Variants in CTNNA3 observed in about 807,000 individuals in gnomAD.
CTNNA3 encodes the protein catenin alpha 3.
In CTNNA3, 76 loss-of-function variants were observed where a neutral mutation model predicts 95.7. That is an observed-to-expected ratio of 0.79 (90% CI 0.66 to 0.96). CTNNA3 has a LOEUF of 0.96. CTNNA3 is among the 40% of genes least tolerant of loss of function. The probability of loss-of-function intolerance (pLI) is 0.00; values close to 1 mark genes in which losing one functional copy is unlikely to be tolerated. For missense variants in CTNNA3, 1,191 were observed against 1,089.8 expected, an observed-to-expected ratio of 1.09 and a Z score of -1.31; for synonymous variants, 431 against 374.4, an observed-to-expected ratio of 1.15 and a Z score of -1.74.
intron 5 of CTNNA3, among the ~76,000 whole-genome samples, chr10:67,508,406 TG>T (rs1839497261): frequency 6.6e-6 from 1 of 152,152 alleles, no homozygotes; most frequent in Non-Finnish European, 1.5e-5. Context: ...ATACACAATG[TG>T]GAAAAAATAG....
At chr10:67,213,263 A>G (rs755209173) in intron 6 of CTNNA3, among the ~76,000 whole-genome samples, 1 of 151,662 alleles carries the variant, frequency 6.6e-6, no homozygotes, top group Non-Finnish European at 1.5e-5. Flanking sequence ...TATAATATTT[A>G]GTATTTAGTC....
chr10:66,986,876 CTG>C (rs1850756687), intron 7 of CTNNA3, among the ~76,000 whole-genome samples: 1 of 152,118 alleles, frequency 6.6e-6, no homozygotes, highest in South Asian at 2.1e-4. Flanking sequence ...ACACTAGACA[CTG>C]TGAATACAGA....
chr10:67,456,931 A>C (rs1482462641), intron 5 of CTNNA3, among the ~76,000 whole-genome samples: 1 of 152,104 alleles, frequency 6.6e-6, no homozygotes, highest in Middle Eastern at 3.2e-3. Context: ...CCAAACAAAC[A>C]AACAAACAAA....
At chr10:67,216,043 G>T (rs116606229) in intron 6 of CTNNA3, among the ~76,000 whole-genome samples, 1 of 152,044 alleles carries the variant, frequency 6.6e-6, no homozygotes, top group Non-Finnish European at 1.5e-5. Flanking sequence ...TATATATCTA[G>T]AAACCAAACC....
chr10:66,046,100 T>C (rs72793404), intron 15 of CTNNA3, among the ~76,000 whole-genome samples: 1,754 of 152,060 alleles, frequency 0.012, 27 homozygotes, highest in Middle Eastern at 0.027. Flanking sequence ...AGGAAACAAC[T>C]TGACCCACAG....
intron 11 of CTNNA3, among the ~76,000 whole-genome samples, chr10:66,472,142 A>G (rs12265432): frequency 0.062 from 9,398 of 152,062 alleles, 604 homozygotes; most frequent in African/African-American, 0.16. Flanking sequence ...TACACATCAT[A>G]GAAGCTTGAA....
At chr10:67,056,755 C>T (rs1207853887) in intron 7 of CTNNA3, among the ~76,000 whole-genome samples, 1 of 152,136 alleles carries the variant, frequency 6.6e-6, no homozygotes, top group Non-Finnish European at 1.5e-5. Context: ...AGTTCAAGTA[C>T]TTTATATGAC....
intron 12 of CTNNA3, among the ~76,000 whole-genome samples, chr10:66,283,416 G>C (rs12415751): frequency 0.072 from 10,966 of 151,768 alleles, 513 homozygotes; most frequent in Admixed American, 0.12. Context: ...TATTGATACA[G>C]TTCCCACCAT....
intron 9 of CTNNA3, among the ~76,000 whole-genome samples, chr10:66,752,920 C>T (rs909886723): frequency 6.6e-6 from 1 of 152,028 alleles, no homozygotes; most frequent in African/African-American, 2.4e-5. Context: ...CCATGTGACT[C>T]CTGACTAACC....
chr10:66,275,737 C>T (rs895851746), intron 13 of CTNNA3, among the ~76,000 whole-genome samples: 5 of 151,986 alleles, frequency 3.3e-5, no homozygotes, highest in Middle Eastern at 3.4e-3. Flanking sequence ...AAAGTCTTTC[C>T]CTTTAGCAGT....
chr10:66,784,207 T>A (rs1192129385), intron 7 of CTNNA3, among the ~76,000 whole-genome samples: 1 of 152,172 alleles, frequency 6.6e-6, no homozygotes, highest in Non-Finnish European at 1.5e-5. Context: ...TCAAGGTTCA[T>A]AACGTGAAGA....
rs759426077 is a variant in CTNNA3 at position 67,607,019 on chromosome 10, G to C, written c.130C>G (p.Pro44Ala). ...VTTLVNCPQNPSSRKKGRSKR... is the reference protein window; with the variant it reads ...VTTLVNCPQNASSRKKGRSKR... ...GAACGTCCTTTTTTCCTGCTGGAAG[G>C]GTTCTGGGGACAGTTTACAAGTGTG... The change falls in exon 3 of 18, where the codon CCT becomes GCT. Residue 44 changes from proline (P) to alanine (A), a missense_variant. Transcript: ENST00000433211. The C allele has an allele frequency of 1.2e-5, 20 of 1,613,698 alleles. No homozygotes were observed. The Admixed American group carries it at 3.2e-4, about 26-fold the overall frequency.
At chr10:66,031,531 G>A (rs1373893331) in intron 15 of CTNNA3, among the ~76,000 whole-genome samples, 2 of 152,064 alleles carry the variant, frequency 1.3e-5, no homozygotes, top group Non-Finnish European at 1.5e-5. Flanking sequence ...ATAAAGATGG[G>A]GAAAATAGAC....
At chr10:67,520,521 G>A (rs1370391516) in intron 5 of CTNNA3, among the ~76,000 whole-genome samples, 2 of 152,134 alleles carry the variant, frequency 1.3e-5, no homozygotes, top group Non-Finnish European at 2.9e-5. Context: ...TGGTGTGAAC[G>A]CTAAGCAGCA....
chr10:66,828,697 G>C (rs555326179), intron 7 of CTNNA3, among the ~76,000 whole-genome samples: 2 of 152,290 alleles, frequency 1.3e-5, no homozygotes, highest in East Asian at 3.9e-4. Flanking sequence ...TATGGAAACA[G>C]CTTCATCATT....
At chr10:67,471,268 T>C (rs1847811885) in intron 5 of CTNNA3, among the ~76,000 whole-genome samples, 1 of 152,208 alleles carries the variant, frequency 6.6e-6, no homozygotes, top group Non-Finnish European at 1.5e-5. Flanking sequence ...CAACCAAAAA[T>C]GTGTCTAAAG....
intron 17 of CTNNA3, among the ~76,000 whole-genome samples, chr10:65,924,653 C>G (rs1468608950): frequency 6.6e-6 from 1 of 152,184 alleles, no homozygotes; most frequent in Non-Finnish European, 1.5e-5. Context: ...TTATCCATTT[C>G]CCTAACACTG....
At chr10:67,574,690 C>T (rs1842087826) in intron 3 of CTNNA3, among the ~76,000 whole-genome samples, 1 of 150,816 alleles carries the variant, frequency 6.6e-6, no homozygotes, top group Non-Finnish European at 1.5e-5. Flanking sequence ...AAGCTATTCT[C>T]GTGCCTCAGC....
chr10:66,666,035 A>G (rs1846439954), intron 9 of CTNNA3, among the ~76,000 whole-genome samples: 2 of 152,188 alleles, frequency 1.3e-5, no homozygotes, highest in Non-Finnish European at 2.9e-5. Context: ...TAGAAAAGAT[A>G]AACACAATCT....
Sources: gnomAD v4.1 joint callset for allele counts (sites outside exome capture counted in the v4.1 genomes callset) on GRCh38, gnomAD v4.1.1 for gene constraint, MANE v1.5 for transcripts, NCBI Gene and HGNC (gene_info 2026-07-23, HGNC 2026-07-21) for gene names.